The following LRRC37A2 variants were observed in gnomAD, a reference collection of about 807,000 sequenced individuals.
LRRC37A2 encodes leucine-rich repeat-containing protein 37A2.
Under a neutral mutation model 68.8 loss-of-function variants are expected in LRRC37A2, and 9 were observed. The observed-to-expected ratio is 0.13, with a 90% CI of 0.08 to 0.23. The LOEUF is 0.23. Ranked by LOEUF, LRRC37A2 falls within the 10% of genes least tolerant of loss-of-function variation. LRRC37A2 has a pLI of 1.00. For synonymous variants in LRRC37A2, 63 were observed against 367.6 expected (o/e 0.17, Z 9.48); for missense variants, 168 against 950.4 (o/e 0.18, Z 10.82).
chr17:46,978,831 C>A, the LRRC37A2 span: 1 of 1,606,240 alleles, frequency 6.2e-7, no homozygotes, highest in Non-Finnish European at 8.5e-7. Flanking sequence ...ACAGGCTGCG[C>A]TCGTCGGGCG....
chr17:46,896,746 A>T, the LRRC37A2 span, among the ~76,000 whole-genome samples: 1 of 152,234 alleles, frequency 6.6e-6, no homozygotes, highest in East Asian at 1.9e-4. Context: ...GCTTTCTATG[A>T]TGTCCGTCCC....
the LRRC37A2 span, among the ~76,000 whole-genome samples, chr17:46,809,273 G>A: frequency 1.3e-5 from 2 of 152,180 alleles, no homozygotes; most frequent in Non-Finnish European, 2.9e-5. Flanking sequence ...ATTGGTGGGA[G>A]CTGGAGAGGA....
the LRRC37A2 span, among the ~76,000 whole-genome samples, chr17:46,909,010 C>T: frequency 6.6e-6 from 1 of 152,272 alleles, no homozygotes; most frequent in East Asian, 1.9e-4. Context: ...CTTCCAGGAG[C>T]CTGCAGTCTC....
At chr17:46,404,952 T>C in the LRRC37A2 span, among the ~76,000 whole-genome samples, 1 of 99,722 alleles carries the variant, frequency 1.0e-5, no homozygotes, top group Non-Finnish European at 2.3e-5. Context: ...CCTGTAATCC[T>C]AGCACTTTGG....
At chr17:46,760,034 G>A in the LRRC37A2 span, among the ~76,000 whole-genome samples, 1 of 152,164 alleles carries the variant, frequency 6.6e-6, no homozygotes, top group Admixed American at 6.5e-5. Context: ...TTGGGAGGCT[G>A]AAGTGGGAGG....
chr17:46,392,430 TC>T, the LRRC37A2 span, among the ~76,000 whole-genome samples: 5 of 26,230 alleles, frequency 1.9e-4, no homozygotes, highest in Non-Finnish European at 8.1e-4. Context: ...TCTTTCTTTC[TC>T]TCTTTCTTTC....
chr17:46,736,245 C>G, the LRRC37A2 span, among the ~76,000 whole-genome samples: 2 of 152,176 alleles, frequency 1.3e-5, no homozygotes, highest in South Asian at 4.1e-4. Flanking sequence ...CAGGAATTGC[C>G]AAGATCAGTA....
chr17:46,818,617 G>T, the LRRC37A2 span: 12 of 1,581,682 alleles, frequency 7.6e-6, no homozygotes, highest in Non-Finnish European at 1.0e-5. Flanking sequence ...CGCCGAGGAG[G>T]AAGTTTGCCC....
the LRRC37A2 span, chr17:46,935,409 C>CT: frequency 7.0e-7 from 1 of 1,429,088 alleles, no homozygotes; most frequent in African/African-American, 1.4e-5. Flanking sequence ...GGATCCAGGT[C>CT]TTTTCCCATT....
At chr17:46,802,956 G>T in the LRRC37A2 span, among the ~76,000 whole-genome samples, 1 of 152,226 alleles carries the variant, frequency 6.6e-6, no homozygotes, top group East Asian at 1.9e-4. Context: ...TTTATAGCAG[G>T]TCAGTCAGGA....
At chr17:46,960,901 A>G in the LRRC37A2 span, among the ~76,000 whole-genome samples, 1 of 152,214 alleles carries the variant, frequency 6.6e-6, no homozygotes, top group Non-Finnish European at 1.5e-5. Context: ...GAGTATCTCG[A>G]TTGTGTTCAT....
intron 6 of LRRC37A2, among the ~76,000 whole-genome samples, chr17:46,532,013 T>G: frequency 6.7e-6 from 1 of 149,358 alleles, no homozygotes; most frequent in Non-Finnish European, 1.5e-5. Flanking sequence ...TCCACCTTCA[T>G]TATTTTGCAC....
chr17:46,759,021 G>A, the LRRC37A2 span, among the ~76,000 whole-genome samples: 2 of 152,124 alleles, frequency 1.3e-5, no homozygotes, highest in South Asian at 2.1e-4. Context: ...CCTGACCAAC[G>A]TGGTGAAACA....
At chr17:46,841,563 C>T in the LRRC37A2 span, among the ~76,000 whole-genome samples, 1 of 151,978 alleles carries the variant, frequency 6.6e-6, no homozygotes, top group Non-Finnish European at 1.5e-5. Flanking sequence ...AAGGTGGGGG[C>T]GTGGGGACGC....
the LRRC37A2 span, chr17:46,773,634 AG>A: frequency 1.1e-4 from 17 of 160,890 alleles, no homozygotes; most frequent in South Asian, 2.5e-4. Flanking sequence ...CCCCCCACCC[AG>A]CCCCTCCCCC....
the LRRC37A2 span, among the ~76,000 whole-genome samples, chr17:46,829,778 G>A: frequency 6.6e-6 from 1 of 151,782 alleles, no homozygotes; most frequent in Non-Finnish European, 1.5e-5. Flanking sequence ...AGGGGGTGGG[G>A]GCAAAGTGAT....
At chr17:46,381,773 TA>T in the LRRC37A2 span, among the ~76,000 whole-genome samples, 16,506 of 93,504 alleles carry the variant, frequency 0.18, 160 homozygotes, top group Non-Finnish European at 0.25. Flanking sequence ...ATTTCCAACT[TA>T]TTTTTTTTTA....
the LRRC37A2 span, among the ~76,000 whole-genome samples, chr17:46,821,608 G>T: frequency 2.0e-5 from 3 of 152,238 alleles, no homozygotes; most frequent in Non-Finnish European, 4.4e-5. Flanking sequence ...GGAGGCCATC[G>T]CCCTGAAAGG....
At chr17:46,736,752 G>T in the LRRC37A2 span, among the ~76,000 whole-genome samples, 2 of 152,280 alleles carry the variant, frequency 1.3e-5, no homozygotes, top group Middle Eastern at 3.4e-3. Context: ...ATCTAAGCTT[G>T]TCTATGTATA....
Sources: allele counts gnomAD v4.1 joint callset (sites outside exome capture counted in the v4.1 genomes callset), GRCh38; gene constraint gnomAD v4.1.1; transcripts MANE v1.5; gene names NCBI Gene and HGNC (gene_info 2026-07-23, HGNC 2026-07-21).